The following PDE1C variants were observed in gnomAD, a reference collection of about 807,000 sequenced individuals.
PDE1C encodes dual specificity calcium/calmodulin-dependent 3',5'-cyclic nucleotide phosphodiesterase 1C.
In PDE1C, 62 loss-of-function variants were observed where a neutral mutation model predicts 93.1. The ratio of observed to expected loss-of-function variants is 0.67; its 90% CI spans 0.54 to 0.82. The LOEUF (loss-of-function observed/expected upper bound fraction) is 0.82. Ranked by LOEUF, PDE1C falls within the 40% of genes least tolerant of loss-of-function variation. PDE1C has a pLI of 0.00. For synonymous variants in PDE1C, 325 were observed against 310.1 expected, an observed-to-expected ratio of 1.05 and a Z score of -0.50; for missense variants, 742 against 884.6, an observed-to-expected ratio of 0.84 and a Z score of 2.04.
intron 2 of PDE1C, among the ~76,000 whole-genome samples, chr7:31,940,618 A>C (rs971935479): frequency 6.6e-6 from 1 of 152,144 alleles, no homozygotes; most frequent in African/African-American, 2.4e-5. Flanking sequence ...GGGTGCCCTG[A>C]GGCATTTAGA....
At chr7:32,023,305 T>A (rs759140739) in intron 2 of PDE1C, among the ~76,000 whole-genome samples, 1 of 152,160 alleles carries the variant, frequency 6.6e-6, no homozygotes, top group Non-Finnish European at 1.5e-5. Context: ...TTAAAGATCA[T>A]ACTTGCTGAA....
chr7:32,007,056 A>G (rs2128575438), intron 2 of PDE1C, among the ~76,000 whole-genome samples: 1 of 152,334 alleles, frequency 6.6e-6, no homozygotes. Flanking sequence ...CTTAATTTTT[A>G]TGACATTTAA....
At chr7:31,823,460 G>T (rs1583479210) in intron 13 of PDE1C, among the ~76,000 whole-genome samples, 1 of 152,116 alleles carries the variant, frequency 6.6e-6, no homozygotes, top group Non-Finnish European at 1.5e-5. Flanking sequence ...GCAGTCTCAA[G>T]AGTCTCTATA....
At chr7:32,259,477 C>G (rs1337482398) in intron 1 of PDE1C, among the ~76,000 whole-genome samples, 1 of 152,178 alleles carries the variant, frequency 6.6e-6, no homozygotes, top group Non-Finnish European at 1.5e-5. Context: ...TGGACTCTGC[C>G]TCCCACCAGC....
intron 1 of PDE1C, among the ~76,000 whole-genome samples, chr7:32,282,886 C>T (rs1811764833): frequency 6.6e-6 from 1 of 152,124 alleles, no homozygotes; most frequent in African/African-American, 2.4e-5. Flanking sequence ...GGCCTATATG[C>T]CATTTTTTAC....
chr7:31,895,580 TTCTCTC>T (rs60958547), intron 2 of PDE1C, among the ~76,000 whole-genome samples: 11 of 144,818 alleles, frequency 7.6e-5, no homozygotes, highest in South Asian at 2.2e-4. Context: ...TTTCTCTCTT[TTCTCTC>T]TCTCTCTCTC....
At chr7:31,726,944 G>A in the PDE1C span, among the ~76,000 whole-genome samples, 5 of 152,256 alleles carry the variant, frequency 3.3e-5, no homozygotes, top group South Asian at 2.1e-4. Flanking sequence ...CCTGAGGCAG[G>A]AGAATCACTT....
chr7:32,083,165 T>C (rs1481674682), intron 3 of PDE1C, among the ~76,000 whole-genome samples: 2 of 151,966 alleles, frequency 1.3e-5, no homozygotes, highest in East Asian at 3.9e-4. Flanking sequence ...TAAAGGAGGA[T>C]GAAGCTGAAA....
the PDE1C span, among the ~76,000 whole-genome samples, chr7:31,640,580 A>G: frequency 6.6e-6 from 1 of 151,850 alleles, no homozygotes; most frequent in Non-Finnish European, 1.5e-5. Context: ...GGTTCAGATC[A>G]CTTGTTCCTG....
intron 2 of PDE1C, among the ~76,000 whole-genome samples, chr7:32,038,478 G>T (rs530603471): frequency 6.6e-6 from 1 of 152,252 alleles, no homozygotes; most frequent in African/African-American, 2.4e-5. Flanking sequence ...GGGCCATATA[G>T]CATACACGCA....
rs548377957 is a variant in PDE1C at position 32,050,080 on chromosome 7, T to A, written c.128+1474A>T. On this transcript the variant is annotated intron_variant, in intron 2 of 17. Transcript: ENST00000396191. ...TAACACAATGGTAAGTATGTGGGTA[T>A]CTAAACATATCTAAACATAGAAAAG... 2.9e-4 allele frequency among the ~76,000 whole-genome samples: 44 copies of A among 152,278 alleles called. 1 individual carries two copies. Among genetic ancestry groups the A allele is most frequent in the African/African-American group, 9.6e-4 (40 of 41,574 alleles).
intron 1 of PDE1C, among the ~76,000 whole-genome samples, chr7:32,419,861 T>G (rs1484956059): frequency 6.6e-6 from 1 of 151,302 alleles, no homozygotes; most frequent in Admixed American, 6.6e-5. Context: ...TAATCCTAAC[T>G]CATCCTGTCC....
chr7:31,675,627 C>T, the PDE1C span, among the ~76,000 whole-genome samples: 1 of 151,778 alleles, frequency 6.6e-6, no homozygotes, highest in African/African-American at 2.4e-5. Flanking sequence ...ATCTCAGAAA[C>T]TTGAAAAAGA....
rs1369100803 is a variant in PDE1C at position 31,880,711 on chromosome 7, T to C, written c.242+36A>G. The C allele has an allele frequency of 8.0e-6, 10 of 1,256,864 alleles. No homozygotes were observed. The African/African-American group carries it at 1.2e-4, about 15-fold the overall frequency. 77.9% of individuals were successfully genotyped at this position (1,256,864 alleles called of 1,614,324 possible). A position where few individuals can be genotyped will look rare whatever the true frequency, so the allele number is the denominator to read the frequency against. ...AAGCCATTTAAGAGAAAATTTACTA[T>C]CACTATACTAATCTCTTTTGTTATT... On this transcript the variant is annotated intron_variant, in intron 3 of 17. Transcript: ENST00000396191.
intron 2 of PDE1C, among the ~76,000 whole-genome samples, chr7:31,956,678 C>A (rs531718009): frequency 1.2e-3 from 180 of 151,380 alleles, no homozygotes; most frequent in African/African-American, 2.4e-3. Flanking sequence ...AAAAAAAAAA[C>A]CAGAATGAGT....
chr7:32,349,955 T>C (rs1783929564), intron 1 of PDE1C, among the ~76,000 whole-genome samples: 1 of 152,198 alleles, frequency 6.6e-6, no homozygotes, highest in Non-Finnish European at 1.5e-5. Context: ...ATCCCCTCTT[T>C]TTAGAATATT....
intron 8 of PDE1C, among the ~76,000 whole-genome samples, chr7:31,850,026 A>C (rs1793134472): frequency 6.6e-6 from 1 of 152,136 alleles, no homozygotes; most frequent in Non-Finnish European, 1.5e-5. Flanking sequence ...ACTTGGACCC[A>C]TATTTAATGT....
At chr7:31,631,312 CAT>C in the PDE1C span, among the ~76,000 whole-genome samples, 1 of 152,066 alleles carries the variant, frequency 6.6e-6, no homozygotes, top group Non-Finnish European at 1.5e-5. Context: ...ACACACAAAT[CAT>C]AATTTTTGAT....
intron 1 of PDE1C, among the ~76,000 whole-genome samples, chr7:32,406,962 C>T (rs928552781): frequency 5.9e-5 from 9 of 152,070 alleles, no homozygotes; most frequent in African/African-American, 2.2e-4. Context: ...AGCCCCATCG[C>T]ACAAGTGACT....
Sources: allele counts gnomAD v4.1 joint callset (sites outside exome capture counted in the v4.1 genomes callset), GRCh38; gene constraint gnomAD v4.1.1; transcripts MANE v1.5; gene names NCBI Gene and HGNC (gene_info 2026-07-23, HGNC 2026-07-21).